The following RASAL2 variants were observed in gnomAD, a reference collection of about 807,000 sequenced individuals.
RASAL2 encodes ras GTPase-activating protein nGAP.
Under a neutral mutation model 128.9 loss-of-function variants are expected in RASAL2, and 58 were observed. The observed-to-expected ratio is 0.45, with a 90% CI of 0.36 to 0.56. RASAL2 has a LOEUF of 0.56. Among genes scored for constraint, RASAL2 ranks in the 20% least tolerant of loss-of-function variants. RASAL2 has a pLI of 0.00. For synonymous variants in RASAL2, 561 were observed against 580.8 expected (o/e 0.97, Z 0.49); for missense variants, 1,360 against 1,601.6 (o/e 0.85, Z 2.57).
At chr1:178,428,568 A>C (rs571415220) in intron 5 of RASAL2, among the ~76,000 whole-genome samples, 1 of 151,512 alleles carries the variant, frequency 6.6e-6, no homozygotes, top group Admixed American at 6.6e-5. Context: ...CTCTCTATAT[A>C]TATATTCTAC....
chr1:178,312,053 G>A (rs1668280861), intron 3 of RASAL2, among the ~76,000 whole-genome samples: 1 of 151,768 alleles, frequency 6.6e-6, no homozygotes, highest in South Asian at 2.1e-4. Context: ...AAAATAGAAA[G>A]TGGAGAGAAA....
intron 1 of RASAL2, among the ~76,000 whole-genome samples, chr1:178,180,410 A>G (rs546453027): frequency 4.2e-4 from 63 of 148,650 alleles, no homozygotes; most frequent in African/African-American, 1.5e-3. Context: ...TTGAGACGCC[A>G]AGGCAGGTGG....
At chr1:178,383,687 TCTTAAATGTCTTCTGTGC>T (rs1407149230) in intron 3 of RASAL2, among the ~76,000 whole-genome samples, 1 of 152,214 alleles carries the variant, frequency 6.6e-6, no homozygotes, top group Non-Finnish European at 1.5e-5. Context: ...CTATTCTGTT[TCTTAAATGTCTTCTGTGC>T]CTTAAATGTC....
At chr1:178,398,825 C>T (rs1272187362) in intron 4 of RASAL2, among the ~76,000 whole-genome samples, 1 of 152,160 alleles carries the variant, frequency 6.6e-6, no homozygotes, top group African/African-American at 2.4e-5. Flanking sequence ...TTGTCTACCT[C>T]TCTTCAAATT....
intron 1 of RASAL2, among the ~76,000 whole-genome samples, chr1:178,278,172 A>G (rs925691946): frequency 1.3e-5 from 2 of 152,150 alleles, no homozygotes; most frequent in African/African-American, 2.4e-5. Context: ...TCATTTACAT[A>G]AGGTGTGAAT....
chr1:178,360,230 C>CTCTTCTAACTTCTTCTTCTACT, intron 3 of RASAL2, among the ~76,000 whole-genome samples: 1 of 152,200 alleles, frequency 6.6e-6, no homozygotes, highest in East Asian at 1.9e-4. Context: ...CTGCTCTACC[C>CTCTTCTAACTTCTTCTTCTACT]TCTTCAACTT....
At chr1:178,428,158 G>A (rs560250037) in intron 5 of RASAL2, among the ~76,000 whole-genome samples, 2 of 151,670 alleles carry the variant, frequency 1.3e-5, no homozygotes, top group South Asian at 2.1e-4. Flanking sequence ...GATGTACTAC[G>A]GTTTGTTTAA....
At chr1:178,142,640 T>A (rs1660573802) in intron 1 of RASAL2, among the ~76,000 whole-genome samples, 1 of 152,160 alleles carries the variant, frequency 6.6e-6, no homozygotes, top group South Asian at 2.1e-4. Context: ...TTCGTTCATT[T>A]TCTCGACTGT....
chr1:178,260,515 T>TAA (rs780421565), intron 1 of RASAL2, among the ~76,000 whole-genome samples: 56 of 148,202 alleles, frequency 3.8e-4, no homozygotes, highest in Non-Finnish European at 7.4e-4. Context: ...TGACTTTTGT[T>TAA]AAGAATTGTA....
chr1:178,210,056 G>A (rs1233974818), intron 1 of RASAL2, among the ~76,000 whole-genome samples: 1 of 151,628 alleles, frequency 6.6e-6, no homozygotes, highest in African/African-American at 2.4e-5. Flanking sequence ...TTTTCTCCCT[G>A]TGACTGTTAG....
chr1:178,145,636 C>A (rs1374113052), intron 1 of RASAL2, among the ~76,000 whole-genome samples: 1 of 147,982 alleles, frequency 6.8e-6, no homozygotes, highest in Non-Finnish European at 1.5e-5. Flanking sequence ...GTGGCTTAAA[C>A]AAAATAGAAG....
chr1:178,465,676 T>A (rs1215068275), intron 15 of RASAL2, among the ~76,000 whole-genome samples: 1 of 152,070 alleles, frequency 6.6e-6, no homozygotes, highest in Non-Finnish European at 1.5e-5. Flanking sequence ...TAAAATGTAA[T>A]TTTAGTAAGG....
At chr1:178,153,463 A>G (rs1660979169) in intron 1 of RASAL2, among the ~76,000 whole-genome samples, 3 of 152,208 alleles carry the variant, frequency 2.0e-5, no homozygotes, top group African/African-American at 4.8e-5. Context: ...TATTTATAGT[A>G]AGTCCTTATT....
chr1:178,209,412 C>T (rs1558116335), intron 1 of RASAL2, among the ~76,000 whole-genome samples: 1 of 152,146 alleles, frequency 6.6e-6, no homozygotes, highest in Non-Finnish European at 1.5e-5. Flanking sequence ...GAATCCTTGC[C>T]TGTCATTTTG....
At chr1:178,296,129 A>G (rs6680322) in intron 2 of RASAL2, among the ~76,000 whole-genome samples, 3 of 116,946 alleles carry the variant, frequency 2.6e-5, no homozygotes, top group Admixed American at 8.2e-5. Flanking sequence ...ATATATGTGT[A>G]TATATATGTG....
chr1:178,133,194 C>G (rs1660185660), intron 1 of RASAL2, among the ~76,000 whole-genome samples: 1 of 152,182 alleles, frequency 6.6e-6, no homozygotes, highest in African/African-American at 2.4e-5. Flanking sequence ...TCTACTGCAT[C>G]CCTTTCTTCG....
intron 3 of RASAL2, among the ~76,000 whole-genome samples, chr1:178,365,440 T>C (rs1046824081): frequency 4.7e-4 from 54 of 114,708 alleles, no homozygotes; most frequent in African/African-American, 1.7e-3. Context: ...TGTTATGTTA[T>C]GTTATGTTAT....
At chr1:178,153,925 T>C (rs1271146383) in intron 1 of RASAL2, among the ~76,000 whole-genome samples, 3 of 152,174 alleles carry the variant, frequency 2.0e-5, no homozygotes. Flanking sequence ...AACCTCTACC[T>C]CCTGGGTGCA....
At chr1:178,302,325 TAA>T (rs1667802491) in intron 3 of RASAL2, among the ~76,000 whole-genome samples, 2 of 152,146 alleles carry the variant, frequency 1.3e-5, no homozygotes, top group South Asian at 4.1e-4. Context: ...AACTAAAATA[TAA>T]GTTAGTGTAC....
Sources: gnomAD v4.1 joint callset for allele counts (sites outside exome capture counted in the v4.1 genomes callset) on GRCh38, gnomAD v4.1.1 for gene constraint, MANE v1.5 for transcripts, NCBI Gene and HGNC (gene_info 2026-07-23, HGNC 2026-07-21) for gene names.